The following PPM1E variants were observed in gnomAD, a reference collection of about 807,000 sequenced individuals.
PPM1E encodes protein phosphatase, Mg2+/Mn2+ dependent 1E.
PPM1E carries 20 observed loss-of-function variants against 65.9 expected under a neutral mutation model. The ratio of observed to expected loss-of-function variants is 0.30; its 90% CI spans 0.21 to 0.44. The LOEUF is 0.44. Among genes scored for constraint, PPM1E ranks in the 20% least tolerant of loss-of-function variants. The probability of loss-of-function intolerance (pLI) is 1.00; values close to 1 mark genes in which losing one functional copy is unlikely to be tolerated. For missense variants in PPM1E, 713 were observed against 953.1 expected, an observed-to-expected ratio of 0.75 and a Z score of 3.32; for synonymous variants, 352 against 374.9, an observed-to-expected ratio of 0.94 and a Z score of 0.70.
At chr17:58,965,915 T>C (rs751280682) in intron 3 of PPM1E, 22 bp downstream of exon 3, 4 of 1,607,902 alleles carry the variant, frequency 2.5e-6, no homozygotes, top group Non-Finnish European at 3.4e-6. Flanking sequence ...TTTCGGAGAG[T>C]CAGTGAGATT....
intron 1 of PPM1E, among the ~76,000 whole-genome samples, chr17:58,808,058 A>G (rs1290820020): frequency 6.6e-6 from 1 of 152,148 alleles, no homozygotes; most frequent in African/African-American, 2.4e-5. Context: ...ATGTGTGTTT[A>G]TATGTGTATG....
intron 1 of PPM1E, among the ~76,000 whole-genome samples, chr17:58,944,153 C>T (rs1200301891): frequency 6.6e-6 from 1 of 152,132 alleles, no homozygotes; most frequent in Admixed American, 6.5e-5. Flanking sequence ...ACCTCCCTGC[C>T]CCCTACTCAG....
At chr17:58,954,024 A>G (rs1302452726) in intron 1 of PPM1E, among the ~76,000 whole-genome samples, 1 of 152,230 alleles carries the variant, frequency 6.6e-6, no homozygotes, top group Non-Finnish European at 1.5e-5. Flanking sequence ...GATTGCAGGC[A>G]TGAGCCACCA....
chr17:58,917,697 C>T (rs1350217399), intron 1 of PPM1E, among the ~76,000 whole-genome samples: 1 of 152,188 alleles, frequency 6.6e-6, no homozygotes, highest in Admixed American at 6.5e-5. Flanking sequence ...CTACTGCCAA[C>T]TATTTCTTCT....
chr17:58,855,821 T>C (rs1401524704), intron 1 of PPM1E, among the ~76,000 whole-genome samples: 1 of 152,202 alleles, frequency 6.6e-6, no homozygotes, highest in Admixed American at 6.5e-5. Flanking sequence ...GTTAATCTTT[T>C]TGGTTACCAA....
At chr17:58,843,941 A>G (rs1202230834) in intron 1 of PPM1E, among the ~76,000 whole-genome samples, 1 of 152,256 alleles carries the variant, frequency 6.6e-6, no homozygotes, top group Non-Finnish European at 1.5e-5. Context: ...GTAAACAAAT[A>G]TCTGACCTTC....
chr17:58,940,067 T>C (rs2052043562), intron 1 of PPM1E, among the ~76,000 whole-genome samples: 1 of 152,210 alleles, frequency 6.6e-6, no homozygotes, highest in Admixed American at 6.5e-5. Context: ...GCTATGAGTA[T>C]TGGCTCTCTT....
At chr17:58,919,265 G>T (rs2051721868) in intron 1 of PPM1E, among the ~76,000 whole-genome samples, 1 of 152,136 alleles carries the variant, frequency 6.6e-6, no homozygotes, top group African/African-American at 2.4e-5. Context: ...CCTGGTGGAA[G>T]AATAGAAATT....
intron 1 of PPM1E, among the ~76,000 whole-genome samples, chr17:58,798,226 G>GTTTTTT (rs1182858502): frequency 7.8e-6 from 1 of 128,192 alleles, no homozygotes; most frequent in Non-Finnish European, 1.6e-5. Context: ...TACGTTTTTT[G>GTTTTTT]TTTGTTTTTT....
At chr17:58,856,878 A>C (rs1330145304) in intron 1 of PPM1E, among the ~76,000 whole-genome samples, 1 of 152,198 alleles carries the variant, frequency 6.6e-6, no homozygotes, top group Non-Finnish European at 1.5e-5. Context: ...GCCCTAGCAA[A>C]CTAATACAGT....
chr17:58,849,282 T>C (rs547715819), intron 1 of PPM1E, among the ~76,000 whole-genome samples: 2 of 152,332 alleles, frequency 1.3e-5, no homozygotes, highest in Non-Finnish European at 2.9e-5. Context: ...TCAATTCTGC[T>C]CTGATCTTAG....
chr17:58,967,519 TAGAGAG>T (rs757900792), intron 3 of PPM1E, among the ~76,000 whole-genome samples: 32 of 145,172 alleles, frequency 2.2e-4, no homozygotes, highest in African/African-American at 6.3e-4. Flanking sequence ...TATATATATA[TAGAGAG>T]AGAGAGAGAG....
Position 58,955,510 on chromosome 17 carries a change from T to A in PPM1E, c.465-139T>A, listed in dbSNP as rs1240742275. On this transcript the variant is annotated intron_variant, in intron 1 of 6. Coordinates refer to ENST00000308249, the MANE Select transcript of PPM1E (RefSeq NM_014906.5). ...TCCAGTGCCCAGAGTGCCTACTCAA[T>A]AAATATTTATTGAATATTGTTTAAA... 7 of 973,930 alleles carry A rather than the reference T, an allele frequency of 7.2e-6. No individual in the cohort carries two copies. The East Asian group carries it at 1.8e-4, about 26-fold the overall frequency. 60.3% of individuals were successfully genotyped at this position (973,930 alleles called of 1,614,324 possible).
At chr17:58,810,812 T>C (rs1025359700) in intron 1 of PPM1E, among the ~76,000 whole-genome samples, 1 of 152,212 alleles carries the variant, frequency 6.6e-6, no homozygotes, top group Non-Finnish European at 1.5e-5. Flanking sequence ...GTCGTAGTTA[T>C]TCTTTTTATT....
intron 1 of PPM1E, among the ~76,000 whole-genome samples, chr17:58,808,448 T>C (rs185910003): frequency 6.6e-6 from 1 of 152,334 alleles, no homozygotes; most frequent in African/African-American, 2.4e-5. Context: ...TGTCTTAATG[T>C]CTTTAATTTA....
intron 1 of PPM1E, among the ~76,000 whole-genome samples, chr17:58,862,071 C>G (rs536830932): frequency 6.6e-6 from 1 of 152,328 alleles, no homozygotes; most frequent in African/African-American, 2.4e-5. Context: ...TAATTAGCTG[C>G]CTTACAAGGC....
At chr17:58,819,241 G>A (rs1392407014) in intron 1 of PPM1E, among the ~76,000 whole-genome samples, 1 of 152,160 alleles carries the variant, frequency 6.6e-6, no homozygotes, top group African/African-American at 2.4e-5. Context: ...TGCATCCCAT[G>A]TTCAAGTGAT....
intron 1 of PPM1E, among the ~76,000 whole-genome samples, chr17:58,945,012 A>G (rs897431117): frequency 2.0e-5 from 3 of 152,118 alleles, no homozygotes; most frequent in Non-Finnish European, 2.9e-5. Flanking sequence ...CTTTTTTGTT[A>G]TAGCTATTTT....
In PPM1E at chr17:58,827,913, AT is replaced by A. The variant is rs67824740; in HGVS notation, c.464+71453del. 8.6e-3 allele frequency among the ~76,000 whole-genome samples: 1,088 copies of A among 125,930 alleles called. 10 individuals carry two copies. The highest frequency in any genetic ancestry group is 0.012 in the Non-Finnish European group (740 of 59,272). The allele number at this position is 125,930 out of a possible 152,430, so 82.6% of individuals were successfully genotyped here. ...CGAGACTCCATCTCAAAAAAAAAAA[AT>A]AATAATAATAATAATAATAATTGGC... On this transcript the variant is annotated intron_variant, in intron 1 of 6. Transcript: ENST00000308249.
Sources: allele counts gnomAD v4.1 joint callset (sites outside exome capture counted in the v4.1 genomes callset), GRCh38; gene constraint gnomAD v4.1.1; transcripts MANE v1.5; gene names NCBI Gene and HGNC (gene_info 2026-07-23, HGNC 2026-07-21).